The following GRB2 variants were observed in gnomAD, a reference collection of about 807,000 sequenced individuals.
GRB2 encodes growth factor receptor-bound protein 2.
In GRB2, 2 loss-of-function variants were observed where a neutral mutation model predicts 27.4. The observed-to-expected ratio is 0.07, with a 90% CI of 0.03 to 0.23. GRB2 has a LOEUF of 0.23. Ranked by LOEUF, GRB2 falls within the 10% of genes least tolerant of loss-of-function variation. The pLI is 1.00. For synonymous variants in GRB2, 94 were observed against 99.6 expected (o/e 0.94, Z 0.33); for missense variants, 102 against 282.4 (o/e 0.36, Z 4.58).
At chr17:75,338,904 C>G in intron 2 of GRB2, 1 of 879,314 alleles carries the variant, frequency 1.1e-6, no homozygotes. Flanking sequence ...TGACACAGTA[C>G]AAGAAGGGAA....
At chr17:75,382,565 G>T (rs2078935900) in intron 2 of GRB2, among the ~76,000 whole-genome samples, 1 of 152,072 alleles carries the variant, frequency 6.6e-6, no homozygotes, top group Admixed American at 6.6e-5. Flanking sequence ...TTTGGATTAG[G>T]GATACTCAAT....
At chr17:75,324,532 TTTTG>T (rs1423526839) in intron 4 of GRB2, among the ~76,000 whole-genome samples, 1 of 97,890 alleles carries the variant, frequency 1.0e-5, no homozygotes, top group Non-Finnish European at 2.3e-5. Context: ...TTTTTTTTTT[TTTTG>T]GAGACAGAGT....
At chr17:75,345,009 A>G (rs1236087101) in intron 2 of GRB2, among the ~76,000 whole-genome samples, 1 of 151,966 alleles carries the variant, frequency 6.6e-6, no homozygotes, top group Non-Finnish European at 1.5e-5. Flanking sequence ...CTACCCTGAA[A>G]ATTAATGACA....
At chr17:75,363,068 T>A (rs2078795300) in intron 2 of GRB2, among the ~76,000 whole-genome samples, 1 of 152,074 alleles carries the variant, frequency 6.6e-6, no homozygotes. Context: ...CAGCAGACAG[T>A]TTGTTCTGGA....
In GRB2 at chr17:75,322,991, T is replaced by C. The variant is rs149864370; in HGVS notation, c.300-1164A>G. On this transcript the variant is annotated intron_variant, in intron 4 of 5. Transcript: ENST00000316804. Reference sequence around the variant, plus strand: ...AAAATTAGCCAGGTGTGGTGGCAGATGCCTGTAGTCACAGCTACTCGGGAG... The same window carrying C: ...AAAATTAGCCAGGTGTGGTGGCAGACGCCTGTAGTCACAGCTACTCGGGAG... Among the ~76,000 whole-genome samples, 618 of 152,046 alleles carry C rather than the reference T, an allele frequency of 4.1e-3. 5 individuals are homozygous for C. Among genetic ancestry groups the C allele is most frequent in the African/African-American group, 0.014 (574 of 41,472 alleles).
chr17:75,360,201 C>G (rs111404586), intron 2 of GRB2, among the ~76,000 whole-genome samples: 10 of 6,462 alleles, frequency 1.5e-3, no homozygotes, highest in Admixed American at 3.2e-3. Context: ...ATTTTTTACT[C>G]TGTTTTATTT....
chr17:75,386,474 T>TA (rs2078964633), intron 2 of GRB2, among the ~76,000 whole-genome samples: 1 of 152,146 alleles, frequency 6.6e-6, no homozygotes, highest in Admixed American at 6.5e-5. Flanking sequence ...TGATACCTAT[T>TA]ACCAAGCCAC....
intron 2 of GRB2, 109 bp downstream of exon 2, chr17:75,393,442 T>C: frequency 1.2e-6 from 1 of 858,806 alleles, no homozygotes; most frequent in Non-Finnish European, 2.0e-6. Flanking sequence ...TGGTAAATGT[T>C]AAAAGTGTAC....
intron 2 of GRB2, among the ~76,000 whole-genome samples, chr17:75,369,427 T>A (rs2078841381): frequency 6.6e-6 from 1 of 152,238 alleles, no homozygotes; most frequent in Admixed American, 6.5e-5. Context: ...AGGCAAAATA[T>A]AAGAAGGCAT....
Position 75,393,619 on chromosome 17 carries a change from T to C in GRB2, c.10A>G (p.Ile4Val), listed in dbSNP as rs768682842. 9.3e-6 allele frequency: 15 copies of C among 1,614,098 alleles called. No individual in the cohort carries two copies. The highest frequency in any genetic ancestry group is 1.7e-5 in the Admixed American group (1 of 60,030). The change falls in exon 2 of 6, where the codon ATC becomes GTC. Residue 4 changes from isoleucine to valine, a missense_variant. By Grantham distance (29) the Ile-to-Val change is conservative. This residue lies in a region of GRB2 where 45 missense variants were observed against 110.6 expected (regional missense o/e 0.41). Coordinates refer to ENST00000316804, the MANE Select transcript of GRB2 (RefSeq NM_002086.5). ...GTAGCTTTGAAGTCATATTTGGCGA[T>C]GGCTTCCATTCTGAGCGCTGCTCAG... MEA[I>V]AKYDFKATAD...
chr17:75,343,583 A>ATTGCTC (rs1325854792), intron 2 of GRB2, among the ~76,000 whole-genome samples: 1 of 152,186 alleles, frequency 6.6e-6, no homozygotes, highest in Admixed American at 6.6e-5. Context: ...ATCAAGAGAA[A>ATTGCTC]TTGCTCTTGA....
intron 2 of GRB2, among the ~76,000 whole-genome samples, chr17:75,376,692 C>T (rs1348839109): frequency 6.6e-6 from 1 of 151,990 alleles, no homozygotes; most frequent in African/African-American, 2.4e-5. Context: ...TTCTTTTAAA[C>T]TTTCCTAAAA....
chr17:75,350,782 G>A (rs1036381341), intron 2 of GRB2, among the ~76,000 whole-genome samples: 6 of 152,196 alleles, frequency 3.9e-5, no homozygotes, highest in Admixed American at 1.3e-4. Flanking sequence ...GTGAAGCACC[G>A]TGCCTGGCCA....
At chr17:75,392,375 T>C (rs1363068098) in intron 2 of GRB2, among the ~76,000 whole-genome samples, 1 of 152,208 alleles carries the variant, frequency 6.6e-6, no homozygotes, top group African/African-American at 2.4e-5. Context: ...TCATCTTCTA[T>C]GAGGCTCAAC....
intron 1 of GRB2, among the ~76,000 whole-genome samples, chr17:75,402,644 C>T (rs1567879399): frequency 6.6e-6 from 1 of 152,062 alleles, no homozygotes; most frequent in Non-Finnish European, 1.5e-5. Flanking sequence ...TCTACCAGAA[C>T]CTAATTTTAA....
At chr17:75,346,281 G>A (rs954100364) in intron 2 of GRB2, among the ~76,000 whole-genome samples, 1 of 151,566 alleles carries the variant, frequency 6.6e-6, no homozygotes, top group Admixed American at 6.6e-5. Flanking sequence ...ATCACTTGAG[G>A]TCAGGAGTTC....
At chr17:75,346,352 T>C (rs4258660) in intron 2 of GRB2, among the ~76,000 whole-genome samples, 90,261 of 151,416 alleles carry the variant, frequency 0.6, 32,235 homozygotes, top group East Asian at 0.86. Context: ...AAAAATTATC[T>C]GGGCACGGTG....
rs2078437499 is a variant in GRB2 at position 75,319,077 on chromosome 17, C to CA, written c.*1290dup. ...TTGCCCCGGTGGCCCATCACACTCACACTGCACCCTGGGCAAGCAGTTCCC... is the reference window on the plus strand; with the variant it reads ...TTGCCCCGGTGGCCCATCACACTCACAACTGCACCCTGGGCAAGCAGTTCCC... On this transcript the variant is annotated 3_prime_UTR_variant, in exon 6 of 6. Transcript: ENST00000316804. The CA allele has an allele frequency of 6.6e-6, 1 of 152,510 alleles. No individual in the cohort carries two copies. The highest frequency in any genetic ancestry group is 1.5e-5 in the Non-Finnish European group (1 of 68,054). 9.4% of individuals were successfully genotyped at this position (152,510 alleles called of 1,614,324 possible). A position where few individuals can be genotyped will look rare whatever the true frequency, so the allele number is the denominator to read the frequency against.
In GRB2 at chr17:75,326,307, G is replaced by GC. The variant is rs146707816; in HGVS notation, c.177-288dup. On this transcript the variant is annotated intron_variant, in intron 3 of 5. Transcript: ENST00000316804. ...TTGAAAATGGGCCCCCCAGGCCAAA[G>GC]CCCACTGGACTCCCTACTGACTCAT... The GC allele has an allele frequency of 8.0e-3, 3,291 of 413,690 alleles. 88 individuals carry two copies. The highest frequency in any genetic ancestry group is 0.041 in the South Asian group (1,724 of 42,224). The allele number at this position is 413,690 out of a possible 1,614,324, so 25.6% of individuals were successfully genotyped here.
Sources: allele counts gnomAD v4.1 joint callset (sites outside exome capture counted in the v4.1 genomes callset), GRCh38; gene constraint gnomAD v4.1.1; regional missense constraint gnomAD v4.1.1; transcripts MANE v1.5; gene names NCBI Gene and HGNC (gene_info 2026-07-23, HGNC 2026-07-21).